The following FAM81A variants were observed in gnomAD, a reference collection of about 807,000 sequenced individuals.
FAM81A encodes the protein protein FAM81A.
FAM81A carries 19 observed loss-of-function variants against 46.7 expected under a neutral mutation model. The observed-to-expected ratio is 0.41, with a 90% CI of 0.28 to 0.60. The LOEUF (loss-of-function observed/expected upper bound fraction) is 0.60. Among genes scored for constraint, FAM81A ranks in the 20% least tolerant of loss-of-function variants. The probability of loss-of-function intolerance (pLI) is 0.34; values close to 1 mark genes in which losing one functional copy is unlikely to be tolerated. For synonymous variants in FAM81A, 183 were observed against 152.9 expected, an observed-to-expected ratio of 1.20 and a Z score of -1.45; for missense variants, 377 against 453.5, an observed-to-expected ratio of 0.83 and a Z score of 1.53.
intron 1 of FAM81A, among the ~76,000 whole-genome samples, chr15:59,442,618 C>CAAAAA (rs1196305104): frequency 0.011 from 826 of 73,054 alleles, 2 homozygotes; most frequent in Non-Finnish European, 0.016. Context: ...CTCCGTCTCT[C>CAAAAA]AAAAAAAAAA....
At chr15:59,500,971 G>A (rs1249859032) in intron 4 of FAM81A, among the ~76,000 whole-genome samples, 1 of 151,892 alleles carries the variant, frequency 6.6e-6, no homozygotes, top group Non-Finnish European at 1.5e-5. Context: ...TTAGCTATTT[G>A]AAGTTTTCTT....
chr15:59,459,908 C>T, intron 2 of FAM81A, 25 bp from the exon 3 acceptor site: 1 of 1,545,104 alleles, frequency 6.5e-7, no homozygotes, highest in South Asian at 1.2e-5. Context: ...TCCCAATTAA[C>T]AACCCTCATG....
rs182359189 is a variant in FAM81A at position 59,488,156 on chromosome 15, T to G, written c.295-4115T>G. ...AGTGTGATACATCATATCAACAAAATGAAAGACAAAAAGCATATGATCATA... is the reference window on the plus strand; with the variant it reads ...AGTGTGATACATCATATCAACAAAAGGAAAGACAAAAAGCATATGATCATA... On this transcript the variant is annotated intron_variant, in intron 3 of 8. Coordinates refer to ENST00000288228, the MANE Select transcript of FAM81A (RefSeq NM_152450.3). 1.1e-4 allele frequency among the ~76,000 whole-genome samples: 16 copies of G among 152,036 alleles called. No individual in the cohort carries two copies. In the East Asian group the frequency reaches 2.9e-3, roughly 28 times the overall value.
chr15:59,456,418 A>G (rs1318421871), intron 1 of FAM81A, among the ~76,000 whole-genome samples: 1 of 152,118 alleles, frequency 6.6e-6, no homozygotes, highest in Non-Finnish European at 1.5e-5. Context: ...AGTGTTGAAG[A>G]GAAGCTGTGG....
At chr15:59,483,909 T>C (rs1487755296) in intron 3 of FAM81A, among the ~76,000 whole-genome samples, 1 of 152,138 alleles carries the variant, frequency 6.6e-6, no homozygotes, top group East Asian at 1.9e-4. Context: ...GGACAGGTTG[T>C]AGGGGCGGGC....
At chr15:59,414,005 G>A (rs1384445011) in intron 2 of FAM81A, among the ~76,000 whole-genome samples, 2 of 152,146 alleles carry the variant, frequency 1.3e-5, no homozygotes, top group Non-Finnish European at 2.9e-5. Context: ...CCAGGCTGGA[G>A]AGCAGTGGCA....
chr15:59,428,618 C>T (rs1422885907), intron 2 of FAM81A, among the ~76,000 whole-genome samples: 1 of 129,204 alleles, frequency 7.7e-6, no homozygotes, highest in Non-Finnish European at 1.6e-5. Flanking sequence ...TCCATGTCTA[C>T]TCCTTTTTTT....
chr15:59,476,913 AG>A (rs1268669259), intron 3 of FAM81A, among the ~76,000 whole-genome samples: 1 of 151,962 alleles, frequency 6.6e-6, no homozygotes, highest in African/African-American at 2.4e-5. Context: ...TGAGATCAGG[AG>A]TTCAAGACCA....
intron 1 of FAM81A, among the ~76,000 whole-genome samples, chr15:59,443,628 C>T (rs1272459625): frequency 2.0e-5 from 3 of 152,242 alleles, no homozygotes; most frequent in South Asian, 4.1e-4. Flanking sequence ...TCCTTGATGA[C>T]GTTAGTGCCA....
At chr15:59,476,882 G>A (rs543305283) in intron 3 of FAM81A, among the ~76,000 whole-genome samples, 2 of 151,630 alleles carry the variant, frequency 1.3e-5, no homozygotes, top group Admixed American at 1.3e-4. Flanking sequence ...AGCACTTTGG[G>A]AGACCAAGGT....
intron 2 of FAM81A, among the ~76,000 whole-genome samples, chr15:59,427,865 A>G (rs1054526459): frequency 6.6e-6 from 1 of 152,270 alleles, no homozygotes; most frequent in Non-Finnish European, 1.5e-5. Context: ...TGTGATAAAC[A>G]TAAGAGTGCA....
chr15:59,429,436 TA>T (rs200736266), intron 2 of FAM81A, among the ~76,000 whole-genome samples: 1 of 152,176 alleles, frequency 6.6e-6, no homozygotes, highest in Non-Finnish European at 1.5e-5. Flanking sequence ...TATTGCCTAT[TA>T]AAAAAATCTG....
intron 3 of FAM81A, among the ~76,000 whole-genome samples, chr15:59,490,041 G>A (rs1443106003): frequency 2.0e-5 from 3 of 151,488 alleles, no homozygotes; most frequent in Non-Finnish European, 4.4e-5. Context: ...GAAATAATCT[G>A]TACAACAAAC....
intron 5 of FAM81A, 72 bp downstream of exon 5, chr15:59,507,414 A>G (rs2082161164): frequency 6.4e-7 from 1 of 1,552,548 alleles, no homozygotes; most frequent in African/African-American, 1.4e-5. Flanking sequence ...GGTGTTGATT[A>G]TTTCTTACAG....
chr15:59,401,325 T>A, intron 1 of FAM81A: 1 of 804,204 alleles, frequency 1.2e-6, no homozygotes, highest in East Asian at 2.4e-5. Flanking sequence ...AGGCCCAATT[T>A]GCTCACATTT....
chr15:59,457,279 A>G (rs2081496601), intron 1 of FAM81A, among the ~76,000 whole-genome samples: 1 of 152,230 alleles, frequency 6.6e-6, no homozygotes, highest in Non-Finnish European at 1.5e-5. Context: ...CAGAACGGGA[A>G]TCATCCTCTT....
At chr15:59,406,237 A>G (rs1186030798) in intron 2 of FAM81A, among the ~76,000 whole-genome samples, 5 of 152,210 alleles carry the variant, frequency 3.3e-5, no homozygotes, top group South Asian at 4.1e-4. Flanking sequence ...ACCTTCTCAC[A>G]TTCTAATTTC....
At chr15:59,410,086 G>A (rs958850435) in intron 2 of FAM81A, among the ~76,000 whole-genome samples, 2 of 152,090 alleles carry the variant, frequency 1.3e-5, no homozygotes, top group African/African-American at 4.8e-5. Context: ...GGATTACGAG[G>A]TCAGGAGAGT....
chr15:59,464,845 T>G (rs781316852), intron 3 of FAM81A, among the ~76,000 whole-genome samples: 12 of 152,192 alleles, frequency 7.9e-5, no homozygotes, highest in Non-Finnish European at 1.5e-4. Flanking sequence ...ATTTTTGCTT[T>G]TGTTGTCTGT....
Sources: gnomAD v4.1 joint callset for allele counts (sites outside exome capture counted in the v4.1 genomes callset) on GRCh38, gnomAD v4.1.1 for gene constraint, MANE v1.5 for transcripts, NCBI Gene and HGNC (gene_info 2026-07-23, HGNC 2026-07-21) for gene names.